Variants in ZNF48 observed in about 807,000 individuals in gnomAD.
The protein encoded by ZNF48 is zinc finger protein 553.
A neutral mutation model predicts 40.0 loss-of-function variants in ZNF48; 20 were observed. The observed-to-expected ratio is 0.50, with a 90% confidence interval of 0.35 to 0.73. The LOEUF (loss-of-function observed/expected upper bound fraction) is 0.73. Ranked by LOEUF, ZNF48 falls within the 30% of genes least tolerant of loss-of-function variation. The probability of loss-of-function intolerance (pLI) is 0.01; values close to 1 mark genes in which losing one functional copy is unlikely to be tolerated. For missense variants in ZNF48, 726 were observed against 851.9 expected (o/e 0.85, Z 1.84); for synonymous variants, 298 against 329.7 (o/e 0.90, Z 1.04).
At chr16:30,379,166 A>G (rs1208001695) in intron 1 of ZNF48, 4 of 1,614,056 alleles carry the variant, frequency 2.5e-6, no homozygotes, top group Non-Finnish European at 3.4e-6. Context: ...AGGAAATCGC[A>G]GTGATGTGGG....
intron 1 of ZNF48, chr16:30,383,064 C>G (rs182851756): frequency 6.1e-6 from 3 of 491,786 alleles, no homozygotes; most frequent in African/African-American, 5.8e-5. Context: ...ATCCTGTAGT[C>G]CCAGCTACTG....
Position 30,398,061 on chromosome 16 carries a change from C to G in ZNF48, c.811C>G (p.Gln271Glu). ...ATAATQGPKA[Q>E]DKPYICTDCG... ...GGCAGCTACCCAGGGACCGAAGGCC[C>G]AGGACAAGCCATATATCTGCACTGA... The change falls in exon 3 of 3, where the codon CAG (glutamine) becomes GAG (glutamate). Residue 271 changes from glutamine to glutamate, a missense_variant. Gln to Glu is a conservative substitution (Grantham distance 29). Around this residue, in one of 5 missense-constraint regions of ZNF48, gnomAD observed 378 missense variants for 449.1 expected, o/e 0.84. Coordinates refer to ENST00000613509, the MANE Select transcript of ZNF48 (RefSeq NM_001214909.2). The surrounding 1 kb of genome is among the most constrained non-coding windows in gnomAD (Gnocchi z 6.6). 6.2e-7 allele frequency: 1 copy of G among 1,612,528 alleles called. No individual in the cohort carries two copies. Among genetic ancestry groups the G allele is most frequent in the Non-Finnish European group, 8.5e-7 (1 of 1,179,136 alleles).
chr16:30,398,579 A>T lies in ZNF48; in HGVS notation c.1329A>T (p.Pro443=), dbSNP rs747301074. 5.5e-5 allele frequency: 88 copies of T among 1,611,096 alleles called. 2 individuals carry two copies. In the South Asian group the frequency reaches 9.5e-4, roughly 17 times the overall value. Residue 443 remains proline (P), a synonymous_variant, in exon 3 of 3, where the codon CCA becomes CCT. Transcript: ENST00000613509. This position sits in a 1 kb window ranked among gnomAD's most constrained non-coding sequence, Gnocchi z 6.6. ...GCCCACAGGCTGGGGAGCCACCCCC[A>T]CCACTGGCGGGCGACAAGCCCCACA... ...PGGPQAGEPP[P]PLAGDKPHKC...
chr16:30,379,897 G>A (rs371561719), intron 1 of ZNF48: 89 of 1,187,538 alleles, frequency 7.5e-5, no homozygotes, highest in Non-Finnish European at 9.5e-5. Context: ...GTGAGCCACC[G>A]TGCCCGGCCT....
intron 1 of ZNF48, among the ~76,000 whole-genome samples, chr16:30,388,944 C>T (rs747073547): frequency 4.0e-5 from 6 of 150,926 alleles, no homozygotes; most frequent in Non-Finnish European, 8.9e-5. Context: ...AAAACAACAA[C>T]AAAAAGAAAA....
chr16:30,387,690 C>G (rs1352858016), intron 1 of ZNF48, among the ~76,000 whole-genome samples: 3 of 150,892 alleles, frequency 2.0e-5, no homozygotes, highest in Non-Finnish European at 4.4e-5. Context: ...TCCCGACTAG[C>G]TGTGATTACA....
At chr16:30,392,505 C>A (rs2049950806), upstream of ZNF48, among the ~76,000 whole-genome samples, 2 of 152,290 alleles carry the variant, frequency 1.3e-5, no homozygotes, top group South Asian at 4.1e-4. Flanking sequence ...CCCCCACTGC[C>A]TGGAGTTGTT....
chr16:30,393,473 C>T (rs2049957037), upstream of ZNF48, among the ~76,000 whole-genome samples: 2 of 151,618 alleles, frequency 1.3e-5, no homozygotes, highest in Admixed American at 1.3e-4. Context: ...CAACCTCCGC[C>T]TCTCAGGTTC....
At chr16:30,379,986 G>T (rs543538377) in intron 1 of ZNF48, 6 of 1,610,560 alleles carry the variant, frequency 3.7e-6, no homozygotes, top group Non-Finnish European at 4.2e-6. Flanking sequence ...AGTCACATTC[G>T]GGGAACTGGT....
Position 30,397,596 on chromosome 16 carries a change from G to A in ZNF48, c.346G>A (p.Glu116Lys), listed in dbSNP as rs549455608. The change falls in exon 3 of 3, where the codon GAG becomes AAG. Residue 116 changes from glutamate (E) to lysine (K), a missense_variant. Glu to Lys is a moderately conservative substitution (Grantham distance 56). Transcript: ENST00000613509. This position sits in a 1 kb window ranked among gnomAD's most constrained non-coding sequence, Gnocchi z 4.1. Reference sequence around the variant, plus strand: ...TAGTGATCGGGCCGCTGTGTGTGGTGAGTGTGGCAAAAGCTTCAGGCAGAT... The same window carrying A: ...TAGTGATCGGGCCGCTGTGTGTGGTAAGTGTGGCAAAAGCTTCAGGCAGAT... Reference protein sequence around the residue: ...ASSDRAAVCGECGKSFRQMSD... With the variant: ...ASSDRAAVCGKCGKSFRQMSD... 7 of 1,614,126 alleles carry A rather than the reference G, an allele frequency of 4.3e-6. No homozygotes were observed. The highest frequency in any genetic ancestry group is 5.9e-6 in the Non-Finnish European group (7 of 1,180,020).
chr16:30,388,099 T>C (rs2049915313), intron 1 of ZNF48, among the ~76,000 whole-genome samples: 1 of 151,948 alleles, frequency 6.6e-6, no homozygotes, highest in South Asian at 2.1e-4. Flanking sequence ...CCCAAGTAGC[T>C]GGGATTGATT....
Position 30,381,308 on chromosome 16 carries a change from T to G in ZNF48, c.-16+2898T>G, listed in dbSNP as rs747835203. The G allele has an allele frequency of 1.4e-5, 20 of 1,427,084 alleles. No homozygotes were observed. In the Middle Eastern group the frequency reaches 7.0e-4, roughly 50 times the overall value. 88.4% of individuals were successfully genotyped at this position (1,427,084 alleles called of 1,614,324 possible). On this transcript the variant is annotated intron_variant, in intron 1 of 2. Coordinates refer to the ZNF48 transcript ENST00000528032. This position sits in a 1 kb window ranked among gnomAD's most constrained non-coding sequence, Gnocchi z 4.3. ...CAGAGACCCCCCAGCCCTCCCTAAA[T>G]GCGCCAGCCCCCAGGATCCCCCCAC...
rs564125221 is a variant in ZNF48, at chr16:30,386,143, G to A, written c.-16+7733G>A. ...AAAAAAAAAAAATTAGCTGGGCATC[G>A]TGGTGCACAATTGTTGCCCCAGCTA... On this transcript the variant is annotated intron_variant, in intron 1 of 2. Transcript: ENST00000528032. 2.3e-3 allele frequency among the ~76,000 whole-genome samples: 344 copies of A among 151,970 alleles called. 6 individuals are homozygous for A. Among genetic ancestry groups the A allele is most frequent in the South Asian group, 1.0e-2 (48 of 4,806 alleles).
At position 30,378,422 on chromosome 16, in the gene ZNF48, C is replaced by A. The variant is rs141091881; in HGVS notation, c.-16+12C>A. ...AAGGCGGAGCCGAGGTAAGGCCGGG[C>A]GGGGCGTGGCCTCAGAGGGCGTCTG... is the stretch of plus-strand genomic sequence containing the variant. On this transcript the variant is annotated intron_variant, in intron 1 of 2. Coordinates refer to the ZNF48 transcript ENST00000528032. 4.2e-3 allele frequency: 6,575 copies of A among 1,558,556 alleles called. 73 individuals are homozygous for A. Among genetic ancestry groups the A allele is most frequent in the Middle Eastern group, 0.02 (98 of 4,962 alleles).
chr16:30,380,202 A>C, intron 1 of ZNF48: 8 of 456,000 alleles, frequency 1.8e-5, no homozygotes, highest in East Asian at 4.0e-5. Context: ...ACAAAATCTC[A>C]GAGACATAGA....
rs1217524238 is a variant in ZNF48 at position 30,398,761 on chromosome 16, A to G, written c.1511A>G (p.Glu504Gly). The change falls in exon 3 of 3, where the codon GAA becomes GGA. Residue 504 changes from glutamate to glycine, a missense_variant. Coordinates refer to ENST00000613509, the MANE Select transcript of ZNF48 (RefSeq NM_001214909.2). The surrounding 1 kb of genome is among the most constrained non-coding windows in gnomAD (Gnocchi z 6.6). ...AAGCACCTCCGCACCCACCGTGGTG[A>G]ACGGGCCCGGCCACCACCACCATCC... ...RVKHLRTHRG[E>G]RARPPPPSTL... 5 of 1,613,586 alleles carry G rather than the reference A, an allele frequency of 3.1e-6. No homozygotes were observed. Among genetic ancestry groups the G allele is most frequent in the Admixed American group, 3.3e-5 (2 of 60,008 alleles).
chr16:30,397,912 A>T lies in ZNF48; in HGVS notation c.662A>T (p.Lys221Met). 2 of 1,612,312 alleles carry T rather than the reference A, an allele frequency of 1.2e-6. 1 individual carries two copies. The highest frequency in any genetic ancestry group is 2.2e-5 in the South Asian group (2 of 91,020). The change falls in exon 3 of 3, where the codon AAG (lysine) becomes ATG (methionine). Residue 221 changes from lysine to methionine, a missense_variant. By Grantham distance (95) the Lys-to-Met change is moderately conservative. Coordinates refer to ENST00000613509, the MANE Select transcript of ZNF48 (RefSeq NM_001214909.2). The surrounding 1 kb of genome is among the most constrained non-coding windows in gnomAD (Gnocchi z 4.1). Reference protein sequence around the residue: ...QRTHTGEKPYKCGICGKGFGD... With the variant: ...QRTHTGEKPYMCGICGKGFGD... ...ACACACACTGGTGAGAAGCCCTACA[A>T]GTGTGGCATATGTGGCAAGGGCTTT...
At chr16:30,390,100 T>C (rs1191272755) in intron 1 of ZNF48, among the ~76,000 whole-genome samples, 2 of 151,876 alleles carry the variant, frequency 1.3e-5, no homozygotes, top group Admixed American at 1.3e-4. Context: ...GGATTCCAGG[T>C]GTAAGCCACT....
chr16:30,378,554 C>A (rs751012090), intron 1 of ZNF48: 4 of 1,602,786 alleles, frequency 2.5e-6, no homozygotes, highest in East Asian at 2.2e-5. Flanking sequence ...GGTGACCTGG[C>A]GAAGCCAGAG....
Sources: allele counts gnomAD v4.1 joint callset (sites outside exome capture counted in the v4.1 genomes callset), GRCh38; gene constraint gnomAD v4.1.1; regional missense constraint gnomAD v4.1.1; non-coding constraint Gnocchi (gnomAD v3.1); transcripts MANE v1.5; gene names NCBI Gene and HGNC (gene_info 2026-07-23, HGNC 2026-07-21).